Variants in TTLL5 observed in about 807,000 individuals in gnomAD.
The protein encoded by TTLL5 is tubulin polyglutamylase TTLL5.
Under a neutral mutation model 168.4 loss-of-function variants are expected in TTLL5, and 132 were observed. That is an observed-to-expected ratio of 0.78 (90% CI 0.68 to 0.91). The LOEUF (loss-of-function observed/expected upper bound fraction) is 0.91, where lower values mean the gene tolerates loss of function less well. Ranked by LOEUF, TTLL5 falls within the 40% of genes least tolerant of loss-of-function variation. The probability of loss-of-function intolerance (pLI) is 0.00; values close to 1 mark genes in which losing one functional copy is unlikely to be tolerated. For missense variants in TTLL5, 1,545 were observed against 1,581.5 expected, an observed-to-expected ratio of 0.98 and a Z score of 0.39; for synonymous variants, 546 against 558.6, an observed-to-expected ratio of 0.98 and a Z score of 0.32.
chr14:75,850,593 G>A (rs544173589), intron 28 of TTLL5, among the ~76,000 whole-genome samples: 1 of 152,082 alleles, frequency 6.6e-6, no homozygotes, highest in East Asian at 1.9e-4. Context: ...GTAGGTAGAA[G>A]ACACGTGAAT....
chr14:75,716,778 C>T (rs1230289079), intron 9 of TTLL5, among the ~76,000 whole-genome samples: 1 of 152,204 alleles, frequency 6.6e-6, no homozygotes. Context: ...GGAAAGTTCT[C>T]TCTTTCCCTG....
At chr14:75,879,597 A>G (rs2031690438) in intron 29 of TTLL5, among the ~76,000 whole-genome samples, 1 of 152,188 alleles carries the variant, frequency 6.6e-6, no homozygotes, top group African/African-American at 2.4e-5. Context: ...ATTTTTTTTA[A>G]TTAAGCTCCT....
intron 7 of TTLL5, among the ~76,000 whole-genome samples, chr14:75,706,338 T>C (rs1424127821): frequency 2.0e-5 from 3 of 152,258 alleles, no homozygotes; most frequent in Admixed American, 2.0e-4. Flanking sequence ...TTACTGAATC[T>C]TAAATCTGCC....
At chr14:75,890,649 G>A (rs1312218054) in intron 30 of TTLL5, among the ~76,000 whole-genome samples, 1 of 152,128 alleles carries the variant, frequency 6.6e-6, no homozygotes, top group Non-Finnish European at 1.5e-5. Flanking sequence ...CACATGAGTA[G>A]GCCCAGGAAC....
intron 26 of TTLL5, 94 bp from the exon 27 acceptor site, chr14:75,792,822 A>G: frequency 9.1e-7 from 1 of 1,103,516 alleles, no homozygotes; most frequent in East Asian, 2.6e-5. Context: ...AGGGTTCAGT[A>G]AAGTATCTGT....
At chr14:75,893,817 C>CAAAAA (rs61332109) in intron 30 of TTLL5, among the ~76,000 whole-genome samples, 32 of 71,542 alleles carry the variant, frequency 4.5e-4, no homozygotes, top group East Asian at 1.2e-3. Flanking sequence ...GACTCCATCT[C>CAAAAA]AAAAAAAAAA....
chr14:75,770,067 A>G (rs911633133), intron 20 of TTLL5, among the ~76,000 whole-genome samples: 1 of 149,638 alleles, frequency 6.7e-6, no homozygotes, highest in South Asian at 2.1e-4. Context: ...AATCTTAGCT[A>G]CTTGGGAGGC....
In TTLL5 at chr14:75,739,575, C is replaced by T. The variant is rs369595299; in HGVS notation, c.1281+4286C>T. On this transcript the variant is annotated intron_variant, in intron 15 of 31. Coordinates refer to ENST00000298832, the MANE Select transcript of TTLL5 (RefSeq NM_015072.5). ...TTTAATGTCTATGGTTCAAATTTTC[C>T]ACTCACCAGAAATTGTATGGCATGG... 3.9e-5 allele frequency among the ~76,000 whole-genome samples: 6 copies of T among 152,136 alleles called. No homozygotes were observed. In the East Asian group the frequency reaches 1.2e-3, roughly 29 times the overall value.
At chr14:75,910,260 C>T (rs547904885) in intron 31 of TTLL5, among the ~76,000 whole-genome samples, 2 of 152,192 alleles carry the variant, frequency 1.3e-5, no homozygotes, top group Admixed American at 6.5e-5. Context: ...ATTACACTTA[C>T]ATTACAGAAG....
intron 28 of TTLL5, among the ~76,000 whole-genome samples, chr14:75,823,126 A>G (rs1894927221): frequency 6.6e-6 from 1 of 152,230 alleles, no homozygotes; most frequent in Non-Finnish European, 1.5e-5. Context: ...TCCAGGATGC[A>G]GGTACCAAGT....
At chr14:75,827,771 G>A (rs1218468413) in intron 28 of TTLL5, among the ~76,000 whole-genome samples, 2 of 117,982 alleles carry the variant, frequency 1.7e-5, no homozygotes, top group Non-Finnish European at 3.2e-5. Flanking sequence ...CCAGGCTGAA[G>A]CTCATTGGCA....
At chr14:75,933,140 A>G (rs1283063898) in intron 31 of TTLL5, among the ~76,000 whole-genome samples, 1 of 152,168 alleles carries the variant, frequency 6.6e-6, no homozygotes, top group East Asian at 1.9e-4. Flanking sequence ...AACAAATTTT[A>G]CCTGAAAACT....
At position 75,741,347 on chromosome 14, in the gene TTLL5, A is replaced by G. The variant is rs10133596; in HGVS notation, c.1282-3748A>G. Among the ~76,000 whole-genome samples the G allele has an allele frequency of 6.6e-3, 1,007 of 152,286 alleles. 12 individuals carry two copies. Among genetic ancestry groups the G allele is most frequent in the African/African-American group, 0.023 (973 of 41,574 alleles). On this transcript the variant is annotated intron_variant, in intron 15 of 31. Transcript: ENST00000298832. The stretch of plus-strand genomic sequence containing the variant: ...GGCAATGGTTCTCCTCTCTAAGTTC[A>G]GAGGACCTTACTTCCTTAGTGCATT...
intron 31 of TTLL5, among the ~76,000 whole-genome samples, chr14:75,903,767 T>A (rs940951143): frequency 2.0e-5 from 3 of 151,686 alleles, no homozygotes; most frequent in Non-Finnish European, 4.4e-5. Flanking sequence ...TGGTGTGACA[T>A]GCCGCTAGTC....
chr14:75,719,373 C>T (rs1887696270), intron 10 of TTLL5, among the ~76,000 whole-genome samples: 1 of 152,218 alleles, frequency 6.6e-6, no homozygotes, highest in African/African-American at 2.4e-5. Flanking sequence ...ACTCAGGTGA[C>T]ATTCACCTCA....
intron 31 of TTLL5, among the ~76,000 whole-genome samples, chr14:75,931,540 T>C (rs2034276944): frequency 6.6e-6 from 1 of 152,202 alleles, no homozygotes; most frequent in Non-Finnish European, 1.5e-5. Context: ...GATCTCTTCA[T>C]CCTAAGTTGT....
rs115740130 is a variant in TTLL5, at chr14:75,827,257, C to T, written c.3326+7096C>T. Among the ~76,000 whole-genome samples, 356 of 152,094 alleles carry T rather than the reference C, an allele frequency of 2.3e-3. 1 individual carries two copies. The highest frequency in any genetic ancestry group is 8.3e-3 in the African/African-American group (345 of 41,492). ...GGGACACAGTTTAGAGTCAACTGGC[C>T]GTAACTCACGTACAATAAAATACAG... On this transcript the variant is annotated intron_variant, in intron 28 of 31. Coordinates refer to ENST00000298832, the MANE Select transcript of TTLL5 (RefSeq NM_015072.5).
At chr14:75,877,798 G>T (rs908706329) in intron 29 of TTLL5, among the ~76,000 whole-genome samples, 1 of 152,212 alleles carries the variant, frequency 6.6e-6, no homozygotes, top group African/African-American at 2.4e-5. Flanking sequence ...TTCAGTTGGT[G>T]GGGCTGTAGG....
intron 28 of TTLL5, among the ~76,000 whole-genome samples, chr14:75,849,921 T>G (rs1896754857): frequency 6.6e-6 from 1 of 151,858 alleles, no homozygotes; most frequent in Non-Finnish European, 1.5e-5. Flanking sequence ...GGCAACAGGT[T>G]TGAGACCATC....
Sources: allele counts gnomAD v4.1 joint callset (sites outside exome capture counted in the v4.1 genomes callset), GRCh38; gene constraint gnomAD v4.1.1; transcripts MANE v1.5; gene names NCBI Gene and HGNC (gene_info 2026-07-23, HGNC 2026-07-21).